TRMT11: variants seen among roughly 807,000 people sequenced by gnomAD.
TRMT11 encodes the protein tRNA methyltransferase 11, also known as tRNA (guanine(10)-N(2))-methyltransferase TRMT11.
TRMT11 carries 53 observed loss-of-function variants against 62.8 expected under a neutral mutation model. That is an observed-to-expected ratio of 0.84 (90% CI 0.68 to 1.06). The LOEUF (loss-of-function observed/expected upper bound fraction) is 1.06, where lower values mean the gene tolerates loss of function less well. TRMT11 is among the 50% of genes least tolerant of loss of function. The probability of loss-of-function intolerance (pLI) is 0.00; values close to 1 mark genes in which losing one functional copy is unlikely to be tolerated. For synonymous variants in TRMT11, 188 were observed against 190.3 expected (o/e 0.99, Z 0.10); for missense variants, 556 against 553.4 (o/e 1.00, Z -0.05).
the TRMT11 span, among the ~76,000 whole-genome samples, chr6:126,210,975 A>G: frequency 8.8e-6 from 1 of 113,390 alleles, no homozygotes; most frequent in African/African-American, 3.8e-5. Context: ...TAAAGATAAC[A>G]TTCCCTTTTT....
intron 17 of TRMT11, among the ~76,000 whole-genome samples, chr6:126,095,461 A>T (rs1457862919): frequency 6.6e-6 from 1 of 152,150 alleles, no homozygotes; most frequent in Non-Finnish European, 1.5e-5. Flanking sequence ...TTGCTGGATA[A>T]CCTGCTCACA....
intron 17 of TRMT11, among the ~76,000 whole-genome samples, chr6:126,111,340 AATGAAGAGAT>A: frequency 6.6e-6 from 1 of 152,238 alleles, no homozygotes; most frequent in Non-Finnish European, 1.5e-5. Flanking sequence ...AACATTAAAC[AATGAAGAGAT>A]AGTTTCTCAG....
intron 1 of TRMT11, among the ~76,000 whole-genome samples, chr6:126,197,713 A>G (rs1196976390): frequency 2.6e-5 from 4 of 152,192 alleles, no homozygotes; most frequent in Non-Finnish European, 5.9e-5. Context: ...TGACAAGATC[A>G]TCTAAGAGAT....
rs376069455 is a variant in TRMT11, at chr6:126,121,709, T to C, written c.*1823+5854T>C. On this transcript the variant is annotated intron_variant and NMD_transcript_variant, in intron 21 of 22. Coordinates refer to the TRMT11 transcript ENST00000648977. ...TCTGGCACACAGATTTAAGTCTCTA[T>C]GCTCATGAGGACAGAGAATCCATCA... 1.4e-4 allele frequency among the ~76,000 whole-genome samples: 21 copies of C among 152,262 alleles called. No homozygotes were observed. The East Asian group carries it at 1.9e-3, about 14-fold the overall frequency.
the TRMT11 span, among the ~76,000 whole-genome samples, chr6:126,228,428 A>G: frequency 6.6e-6 from 1 of 152,124 alleles, no homozygotes; most frequent in East Asian, 1.9e-4. Context: ...GATTATAAAC[A>G]TTTTGCCCTG....
the TRMT11 span, among the ~76,000 whole-genome samples, chr6:126,215,476 A>T: frequency 6.6e-6 from 1 of 151,986 alleles, no homozygotes; most frequent in Non-Finnish European, 1.5e-5. Flanking sequence ...TTTGTCTTGA[A>T]ATCTATTTTG....
chr6:126,067,509 G>A (rs1402838618), intron 17 of TRMT11, among the ~76,000 whole-genome samples: 8 of 152,170 alleles, frequency 5.3e-5, no homozygotes, highest in Admixed American at 5.2e-4. Flanking sequence ...TCTAGCTGAA[G>A]TTTATTCATG....
At chr6:126,161,440 C>T (rs142054363) in intron 21 of TRMT11, among the ~76,000 whole-genome samples, 1,527 of 152,278 alleles carry the variant, frequency 0.01, 21 homozygotes, top group African/African-American at 0.035. Context: ...CATAATATTC[C>T]ATGGTATATA....
At chr6:126,152,900 G>A (rs923708042) in intron 21 of TRMT11, among the ~76,000 whole-genome samples, 4 of 152,150 alleles carry the variant, frequency 2.6e-5, no homozygotes, top group African/African-American at 9.7e-5. Flanking sequence ...AGGCAGTTAT[G>A]GGAGAGACTG....
the TRMT11 span, among the ~76,000 whole-genome samples, chr6:126,211,256 G>T: frequency 1.3e-5 from 2 of 152,110 alleles, no homozygotes; most frequent in Non-Finnish European, 2.9e-5. Flanking sequence ...TTTTCTCTTT[G>T]TTGTGTTGCT....
At chr6:126,130,419 TTAAC>T (rs1200505155) in intron 21 of TRMT11, among the ~76,000 whole-genome samples, 1 of 152,232 alleles carries the variant, frequency 6.6e-6, no homozygotes, top group African/African-American at 2.4e-5. Context: ...AATCCAAAGT[TTAAC>T]TAAGTTTTGC....
At chr6:126,092,717 A>ATT (rs1463109144) in intron 17 of TRMT11, among the ~76,000 whole-genome samples, 1 of 152,140 alleles carries the variant, frequency 6.6e-6, no homozygotes, top group African/African-American at 2.4e-5. Flanking sequence ...TGATATTTGG[A>ATT]ATCCATGGCA....
At chr6:126,091,009 G>A (rs772460034) in intron 17 of TRMT11, among the ~76,000 whole-genome samples, 3 of 152,056 alleles carry the variant, frequency 2.0e-5, no homozygotes, top group Non-Finnish European at 2.9e-5. Context: ...TCAGGCGTTC[G>A]AGACCACCTG....
upstream of TRMT11, among the ~76,000 whole-genome samples, chr6:126,172,849 AAGG>A (rs544619455): frequency 5.3e-5 from 8 of 152,172 alleles, no homozygotes; most frequent in Non-Finnish European, 8.8e-5. Flanking sequence ...ATGTAGAACA[AAGG>A]AGGCATATAG....
At chr6:126,140,929 G>A (rs562379103) in intron 21 of TRMT11, among the ~76,000 whole-genome samples, 63 of 152,018 alleles carry the variant, frequency 4.1e-4, no homozygotes, top group African/African-American at 1.3e-3. Flanking sequence ...AAAATGCTTC[G>A]AATTTTCTTA....
chr6:126,031,934 A>G (rs540200395), intron 12 of TRMT11, among the ~76,000 whole-genome samples: 1 of 152,212 alleles, frequency 6.6e-6, no homozygotes, highest in African/African-American at 2.4e-5. Context: ...TAAACCAAGG[A>G]AGCTAGAATA....
the TRMT11 span, among the ~76,000 whole-genome samples, chr6:126,250,391 G>T: frequency 6.6e-6 from 1 of 152,180 alleles, no homozygotes; most frequent in African/African-American, 2.4e-5. Context: ...AGAGCATGTG[G>T]AAGCTAAATA....
At position 126,195,551 on chromosome 6, in the gene TRMT11, A is replaced by C. The variant is rs1255627854; in HGVS notation, n.144-3248A>C. Among the ~76,000 whole-genome samples the C allele has an allele frequency of 2.6e-5, 4 of 152,218 alleles. No individual in the cohort carries two copies. The South Asian group carries it at 6.2e-4, about 24-fold the overall frequency. ...GGCATTTTTCTGTCTGGGCTTTAAAAATATGTATTTCTGGAAACATTGTTG... is the reference window on the plus strand; with the variant it reads ...GGCATTTTTCTGTCTGGGCTTTAAACATATGTATTTCTGGAAACATTGTTG... On this transcript the variant is annotated intron_variant and non_coding_transcript_variant, in intron 1 of 3. Transcript: ENST00000444229.
At chr6:126,172,545 T>C (rs1025255515), upstream of TRMT11, among the ~76,000 whole-genome samples, 4 of 152,234 alleles carry the variant, frequency 2.6e-5, no homozygotes, top group African/African-American at 9.6e-5. Context: ...CTCACAGATT[T>C]ATTCTAGCCC....
Sources: allele counts gnomAD v4.1 joint callset (sites outside exome capture counted in the v4.1 genomes callset), GRCh38; gene constraint gnomAD v4.1.1; transcripts MANE v1.5; gene names NCBI Gene and HGNC (gene_info 2026-07-23, HGNC 2026-07-21).